Variants in ZBTB38 observed in about 807,000 individuals in gnomAD.
The protein encoded by ZBTB38 is zinc finger and BTB domain-containing protein 38.
ZBTB38 carries 20 observed loss-of-function variants against 76.8 expected under a neutral mutation model. The observed-to-expected ratio is 0.26, with a 90% CI of 0.18 to 0.38. The LOEUF (loss-of-function observed/expected upper bound fraction) is 0.38. Ranked by LOEUF, ZBTB38 falls within the 10% of genes least tolerant of loss-of-function variation. ZBTB38 has a pLI of 1.00. For missense variants in ZBTB38, 1,082 were observed against 1,482.3 expected, an observed-to-expected ratio of 0.73 and a Z score of 4.43; for synonymous variants, 504 against 544.2, an observed-to-expected ratio of 0.93 and a Z score of 1.03.
rs535332077 is a variant in ZBTB38 at position 141,356,084 on chromosome 3, G to A, written c.-738-12537G>A. ...AGGTGTGTGTTTGTGTGTGTGTGGTGGAGTGGGGGTTGTGTGGCCAAGTGC... is the reference window on the plus strand; with the variant it reads ...AGGTGTGTGTTTGTGTGTGTGTGGTAGAGTGGGGGTTGTGTGGCCAAGTGC... On this transcript the variant is annotated intron_variant, in intron 1 of 7. Coordinates refer to the ZBTB38 transcript ENST00000509842. 2.0e-5 allele frequency among the ~76,000 whole-genome samples: 3 copies of A among 152,226 alleles called. 1 individual carries two copies. Among genetic ancestry groups the A allele is most frequent in the African/African-American group, 7.2e-5 (3 of 41,532 alleles).
At chr3:141,418,266 G>C (rs1161752072) in intron 5 of ZBTB38, among the ~76,000 whole-genome samples, 2 of 152,214 alleles carry the variant, frequency 1.3e-5, no homozygotes, top group Non-Finnish European at 2.9e-5. Flanking sequence ...GCACATGCCT[G>C]TGGGGCAGCC....
intron 4 of ZBTB38, among the ~76,000 whole-genome samples, chr3:141,391,187 A>T (rs1277674301): frequency 6.6e-6 from 1 of 152,170 alleles, no homozygotes; most frequent in Non-Finnish European, 1.5e-5. Flanking sequence ...TAAAAAAAAT[A>T]AAATAAGTGA....
chr3:141,442,285 A>AGTTTC lies in ZBTB38; in HGVS notation c.1-103_1-99dup. ...TCAACAGAATGAGATAAAAACCTGA[A>AGTTTC]GTTTCATACAAAAGAACAGTTTTTC... On this transcript the variant is annotated intron_variant, in intron 5 of 5. Transcript: ENST00000321464. The surrounding 1 kb of genome is among the most constrained non-coding windows in gnomAD (Gnocchi z 6.4). 1 of 832,828 alleles carries AGTTTC rather than the reference A, an allele frequency of 1.2e-6. No homozygotes were observed. The highest frequency in any genetic ancestry group is 1.9e-6 in the Non-Finnish European group (1 of 528,022). The allele number at this position is 832,828 out of a possible 1,614,324, so 51.6% of individuals were successfully genotyped here.
chr3:141,345,775 T>C (rs1017061250), intron 1 of ZBTB38, among the ~76,000 whole-genome samples: 1 of 151,894 alleles, frequency 6.6e-6, no homozygotes, highest in Non-Finnish European at 1.5e-5. Context: ...TACGATAGGT[T>C]CCAATGCTAG....
At chr3:141,389,414 T>A (rs926082818) in intron 4 of ZBTB38, 23 of 151,572 alleles carry the variant, frequency 1.5e-4, no homozygotes, top group African/African-American at 5.3e-4. Context: ...GATTTTGTTC[T>A]CCAGGCTTGC....
At chr3:141,349,805 T>C (rs1414419448) in intron 1 of ZBTB38, among the ~76,000 whole-genome samples, 2 of 151,466 alleles carry the variant, frequency 1.3e-5, no homozygotes, top group African/African-American at 2.4e-5. Context: ...AGAGTAAAGA[T>C]GAGAAACAGA....
At chr3:141,379,711 T>G (rs1281120233) in intron 2 of ZBTB38, among the ~76,000 whole-genome samples, 1 of 152,228 alleles carries the variant, frequency 6.6e-6, no homozygotes, top group African/African-American at 2.4e-5. Context: ...TAGCCGTTCA[T>G]GCTAAATCAT....
At chr3:141,436,905 T>A (rs894713970) in intron 5 of ZBTB38, among the ~76,000 whole-genome samples, 12 of 152,224 alleles carry the variant, frequency 7.9e-5, no homozygotes, top group African/African-American at 2.9e-4. Flanking sequence ...GGGACCGGAT[T>A]TGCTGCATGG....
intron 2 of ZBTB38, among the ~76,000 whole-genome samples, chr3:141,371,045 C>CTTTCCTTTTTTTTTTTTTTT (rs1944498561): frequency 5.6e-5 from 4 of 72,006 alleles, no homozygotes; most frequent in African/African-American, 3.1e-4. Context: ...TTCTTTCTTT[C>CTTTCCTTTTTTTTTTTTTTT]TTTTTTTTTT....
chr3:141,324,383 C>G (rs925857204), exon 1 of ZBTB38: 2 of 152,148 alleles, frequency 1.3e-5, no homozygotes, highest in Non-Finnish European at 2.9e-5. Flanking sequence ...CTTTCCAGAG[C>G]CAGTTCTTGG....
rs2081189015 is a variant in ZBTB38, at chr3:141,447,528, T to C, written c.*1552T>C. 6.6e-6 allele frequency: 1 copy of C among 152,608 alleles called. No homozygotes were observed. Among genetic ancestry groups the C allele is most frequent in the Admixed American group, 6.5e-5 (1 of 15,288 alleles). 9.5% of individuals were successfully genotyped at this position (152,608 alleles called of 1,614,324 possible). On this transcript the variant is annotated 3_prime_UTR_variant, in exon 6 of 6. Transcript: ENST00000321464. The stretch of plus-strand genomic sequence containing the variant: ...ATGATTCTTTTTCAAACTGCCAGAA[T>C]AGAAGGGAGAGAGAAAACATTTCTA...
At chr3:141,326,418 A>G (rs1942676800) in intron 1 of ZBTB38, among the ~76,000 whole-genome samples, 1 of 152,296 alleles carries the variant, frequency 6.6e-6, no homozygotes, top group Non-Finnish European at 1.5e-5. Context: ...GCAGGGGAGC[A>G]GGGTGGGGGA....
intron 4 of ZBTB38, among the ~76,000 whole-genome samples, chr3:141,392,058 C>G (rs1439130494): frequency 6.6e-6 from 1 of 152,212 alleles, no homozygotes; most frequent in Non-Finnish European, 1.5e-5. Context: ...GAGTTAGAAA[C>G]TATAAGGCTC....
chr3:141,447,926 A>T lies in ZBTB38; in HGVS notation c.*1950A>T. 1 of 152,648 alleles carries T rather than the reference A, an allele frequency of 6.6e-6. No individual in the cohort carries two copies. The highest frequency in any genetic ancestry group is 1.9e-4 in the East Asian group (1 of 5,202). 9.5% of individuals were successfully genotyped at this position (152,648 alleles called of 1,614,324 possible). On this transcript the variant is annotated 3_prime_UTR_variant, in exon 6 of 6. Coordinates refer to ENST00000321464, the MANE Select transcript of ZBTB38 (RefSeq NM_001376113.1). ...TAAGTAGAGAAAAATGGGAAAATGCAAGCAAATTCAACTTTATTTTATACA... is the reference window on the plus strand; with the variant it reads ...TAAGTAGAGAAAAATGGGAAAATGCTAGCAAATTCAACTTTATTTTATACA...
intron 1 of ZBTB38, among the ~76,000 whole-genome samples, chr3:141,341,987 T>A (rs1479331276): frequency 6.6e-6 from 1 of 152,150 alleles, no homozygotes; most frequent in African/African-American, 2.4e-5. Flanking sequence ...AGAATGTCTA[T>A]AATGAACAAT....
chr3:141,365,503 T>C (rs1943940144), upstream of ZBTB38, among the ~76,000 whole-genome samples: 1 of 152,124 alleles, frequency 6.6e-6, no homozygotes, highest in Admixed American at 6.5e-5. Context: ...TGATAACCCA[T>C]TAATCCATTA....
chr3:141,366,617 G>A (rs1943977322), upstream of ZBTB38: 1 of 152,222 alleles, frequency 6.6e-6, no homozygotes, highest in South Asian at 2.1e-4. Flanking sequence ...GCAACTGGCA[G>A]AGCTCCCAGG....
chr3:141,356,712 T>C (rs1943673334), intron 1 of ZBTB38, among the ~76,000 whole-genome samples: 1 of 151,322 alleles, frequency 6.6e-6, no homozygotes. Flanking sequence ...CAGGCAAATA[T>C]GGGCAATTCT....
intron 5 of ZBTB38, among the ~76,000 whole-genome samples, chr3:141,423,704 A>G (rs2075862052): frequency 6.6e-6 from 1 of 152,240 alleles, no homozygotes; most frequent in South Asian, 2.1e-4. Context: ...ACCAAAATCT[A>G]AAATAAAGCA....
Sources: gnomAD v4.1 joint callset for allele counts (sites outside exome capture counted in the v4.1 genomes callset) on GRCh38, gnomAD v4.1.1 for gene constraint, Gnocchi (gnomAD v3.1) non-coding constraint, MANE v1.5 for transcripts, NCBI Gene and HGNC (gene_info 2026-07-23, HGNC 2026-07-21) for gene names.